Variants in SUMF1 observed in about 807,000 individuals in gnomAD.
SUMF1 encodes the protein sulfatase modifying factor 1, also known as formylglycine-generating enzyme.
A neutral mutation model predicts 47.6 loss-of-function variants in SUMF1; 48 were observed. The observed-to-expected ratio is 1.01, with a 90% CI of 0.80 to 1.28. SUMF1 has a LOEUF of 1.28. Among genes scored for constraint, SUMF1 ranks in the 50% most tolerant of loss-of-function variants. The pLI is 0.00. For missense variants in SUMF1, 571 were observed against 485.4 expected, an observed-to-expected ratio of 1.18 and a Z score of -1.66; for synonymous variants, 230 against 192.1, an observed-to-expected ratio of 1.20 and a Z score of -1.63.
intron 8 of SUMF1, among the ~76,000 whole-genome samples, chr3:4,215,782 C>T (rs935671947): frequency 5.3e-5 from 8 of 152,056 alleles, no homozygotes; most frequent in Non-Finnish European, 8.8e-5. Context: ...AGTCAATTCC[C>T]GTTCACAATT....
chr3:4,271,516 T>TAGAG, intron 8 of SUMF1, among the ~76,000 whole-genome samples: 1 of 72,180 alleles, frequency 1.4e-5, no homozygotes, highest in South Asian at 3.4e-4. Flanking sequence ...GATAGATAGA[T>TAGAG]AGATACAGAG....
chr3:4,182,906 C>T (rs921676630), intron 8 of SUMF1, among the ~76,000 whole-genome samples: 5 of 151,782 alleles, frequency 3.3e-5, no homozygotes, highest in South Asian at 2.1e-4. Flanking sequence ...GGACACTCAG[C>T]TCAGGTCATG....
chr3:4,347,075 C>A (rs1039654525), intron 8 of SUMF1, among the ~76,000 whole-genome samples: 2 of 152,124 alleles, frequency 1.3e-5, no homozygotes, highest in Non-Finnish European at 2.9e-5. Context: ...CAGGACCAGA[C>A]AGATTCACAG....
At chr3:4,199,810 A>C (rs904001757) in intron 8 of SUMF1, among the ~76,000 whole-genome samples, 10 of 151,930 alleles carry the variant, frequency 6.6e-5, no homozygotes, top group African/African-American at 2.4e-4. Flanking sequence ...CCTATTTTTT[A>C]ATTGGATTAT....
chr3:4,280,807 C>T (rs1031216832), intron 8 of SUMF1, among the ~76,000 whole-genome samples: 33 of 140,392 alleles, frequency 2.4e-4, no homozygotes, highest in Non-Finnish European at 3.2e-4. Context: ...CTTCAAATGG[C>T]ATTCACCGTG....
chr3:4,236,092 C>A (rs772939065), intron 8 of SUMF1, among the ~76,000 whole-genome samples: 4 of 152,092 alleles, frequency 2.6e-5, no homozygotes, highest in African/African-American at 4.8e-5. Flanking sequence ...ACCAGGCATG[C>A]ATCACCACAT....
At chr3:4,268,196 T>C (rs1364520498) in intron 8 of SUMF1, among the ~76,000 whole-genome samples, 1 of 149,100 alleles carries the variant, frequency 6.7e-6, no homozygotes, top group South Asian at 2.1e-4. Context: ...TGGGAACACA[T>C]GGACACAGGA....
At chr3:4,247,004 T>C (rs1559609096) in intron 8 of SUMF1, among the ~76,000 whole-genome samples, 2 of 152,212 alleles carry the variant, frequency 1.3e-5, no homozygotes, top group South Asian at 2.1e-4. Context: ...ATATATCCTG[T>C]ACAACTGGTT....
chr3:4,057,829 C>T (rs148436910), intron 9 of SUMF1, among the ~76,000 whole-genome samples: 2,077 of 152,108 alleles, frequency 0.014, 28 homozygotes, highest in Middle Eastern at 0.045. Flanking sequence ...CACAGAGGTT[C>T]CAAGAAGTTA....
intron 6 of SUMF1, 137 bp downstream of exon 6, chr3:4,416,991 G>T: frequency 1.3e-6 from 1 of 781,266 alleles, no homozygotes; most frequent in Non-Finnish European, 2.3e-6. Flanking sequence ...ATTAGTATTT[G>T]CTACGTGCAA....
intron 8 of SUMF1, among the ~76,000 whole-genome samples, chr3:4,137,757 G>A (rs1693976067): frequency 6.6e-6 from 1 of 152,070 alleles, no homozygotes; most frequent in Non-Finnish European, 1.5e-5. Context: ...ACAAGACAGA[G>A]ATGCTCATTC....
In SUMF1 at chr3:4,212,328, C is replaced by T. The variant is rs144224102; in HGVS notation, c.1015-143583G>A. 1.1e-3 allele frequency among the ~76,000 whole-genome samples: 161 copies of T among 152,160 alleles called. 2 individuals carry two copies. The highest frequency in any genetic ancestry group is 3.6e-3 in the African/African-American group (151 of 41,524). On this transcript the variant is annotated intron_variant and NMD_transcript_variant, in intron 8 of 12. Transcript: ENST00000448413. ...CCTCCAGCAAACTCCAGCAGACCTG[C>T]GGCAGAGGGGCCTGATTGTTAGAAG...
intron 8 of SUMF1, among the ~76,000 whole-genome samples, chr3:4,272,404 G>C (rs1697323002): frequency 6.6e-6 from 1 of 152,188 alleles, no homozygotes; most frequent in Non-Finnish European, 1.5e-5. Context: ...AAGAAGACTA[G>C]GCCTTCACAT....
intron 8 of SUMF1, among the ~76,000 whole-genome samples, chr3:4,193,137 G>A (rs1695356005): frequency 1.3e-5 from 2 of 152,010 alleles, no homozygotes; most frequent in Non-Finnish European, 2.9e-5. Flanking sequence ...TATCTGTGAT[G>A]TCCAATCTGG....
At chr3:4,338,396 T>C (rs888902823) in intron 8 of SUMF1, among the ~76,000 whole-genome samples, 2 of 152,202 alleles carry the variant, frequency 1.3e-5, no homozygotes, top group African/African-American at 4.8e-5. Context: ...GTTCTTAAAA[T>C]AAAGTCAGTG....
chr3:4,339,414 C>G (rs992287753), intron 8 of SUMF1, among the ~76,000 whole-genome samples: 5 of 152,198 alleles, frequency 3.3e-5, no homozygotes, highest in African/African-American at 1.2e-4. Context: ...AGGAAGCAGG[C>G]TGGGCAAAGG....
intron 7 of SUMF1, among the ~76,000 whole-genome samples, chr3:4,382,272 A>T (rs999960210): frequency 1.3e-5 from 2 of 152,090 alleles, no homozygotes; most frequent in African/African-American, 4.8e-5. Flanking sequence ...GATATGATAT[A>T]AAGAATATAC....
chr3:4,277,888 C>A (rs73806974), intron 8 of SUMF1, among the ~76,000 whole-genome samples: 1 of 151,962 alleles, frequency 6.6e-6, no homozygotes, highest in African/African-American at 2.4e-5. Context: ...AAGGTATTGA[C>A]GTGGTAATCT....
intron 8 of SUMF1, among the ~76,000 whole-genome samples, chr3:4,074,837 T>C (rs938190899): frequency 2.0e-5 from 3 of 151,906 alleles, no homozygotes; most frequent in Non-Finnish European, 4.4e-5. Context: ...TGCTCTGAAA[T>C]TGAGGCAATA....
Sources: gnomAD v4.1 joint callset for allele counts (sites outside exome capture counted in the v4.1 genomes callset) on GRCh38, gnomAD v4.1.1 for gene constraint, MANE v1.5 for transcripts, NCBI Gene and HGNC (gene_info 2026-07-23, HGNC 2026-07-21) for gene names.